HHIP: variants seen among roughly 807,000 people sequenced by gnomAD.
The protein encoded by HHIP is hedgehog-interacting protein.
Under a neutral mutation model 74.0 loss-of-function variants are expected in HHIP, and 12 were observed. The ratio of observed to expected loss-of-function variants is 0.16; its 90% CI spans 0.10 to 0.26. The LOEUF is 0.26. Among genes scored for constraint, HHIP ranks in the 10% least tolerant of loss-of-function variants. The pLI, the probability that HHIP is intolerant of heterozygous loss-of-function variation, is 1.00. For synonymous variants in HHIP, 309 were observed against 311.6 expected (o/e 0.99, Z 0.09); for missense variants, 788 against 845.0 (o/e 0.93, Z 0.84).
At chr4:144,717,540 A>G (rs530257492) in intron 10 of HHIP, among the ~76,000 whole-genome samples, 1 of 152,310 alleles carries the variant, frequency 6.6e-6, no homozygotes, top group African/African-American at 2.4e-5. Flanking sequence ...TTAAAACTTT[A>G]TAAATGTGTA....
At chr4:144,666,083 G>GA (rs1337851063) in intron 4 of HHIP, among the ~76,000 whole-genome samples, 2 of 152,036 alleles carry the variant, frequency 1.3e-5, no homozygotes, top group South Asian at 4.1e-4. Context: ...TCTCTGACTA[G>GA]AAAAAATAAG....
chr4:144,651,520 A>C (rs910182678), intron 1 of HHIP, among the ~76,000 whole-genome samples: 1 of 152,072 alleles, frequency 6.6e-6, no homozygotes, highest in Non-Finnish European at 1.5e-5. Context: ...ACAGTGCTCT[A>C]GAATTTAAAA....
intron 4 of HHIP, among the ~76,000 whole-genome samples, chr4:144,684,521 C>T (rs1004911760): frequency 4.0e-5 from 6 of 151,562 alleles, no homozygotes; most frequent in African/African-American, 1.2e-4. Context: ...CCTCGTGATC[C>T]GCCCGCCTCG....
chr4:144,716,395 G>A (rs1010042563), intron 10 of HHIP, among the ~76,000 whole-genome samples: 1 of 152,120 alleles, frequency 6.6e-6, no homozygotes, highest in African/African-American at 2.4e-5. Context: ...TCAAAGAAGA[G>A]AATCCAGTCT....
chr4:144,724,186 TG>T (rs1730727891), intron 11 of HHIP, among the ~76,000 whole-genome samples: 1 of 152,206 alleles, frequency 6.6e-6, no homozygotes, highest in Non-Finnish European at 1.5e-5. Context: ...TTTGCATACA[TG>T]TACATGTGTA....
At position 144,742,870 on chromosome 4, in the gene HHIP, ATC is replaced by A. The variant is rs1731290717; in HGVS notation, c.*4915_*4916del. 7.5e-6 allele frequency: 1 copy of A among 133,156 alleles called. No homozygotes were observed. Among genetic ancestry groups the A allele is most frequent in the African/African-American group, 2.9e-5 (1 of 34,110 alleles). 8.2% of individuals were successfully genotyped at this position (133,156 alleles called of 1,614,324 possible). A position where few individuals can be genotyped will look rare whatever the true frequency, so the allele number is the denominator to read the frequency against. ...CTTTATATATATATCTTATATATAT[ATC>A]TTTTTATATATATCTTATATATATA... On this transcript the variant is annotated 3_prime_UTR_variant, in exon 13 of 13. Coordinates refer to ENST00000296575, the MANE Select transcript of HHIP (RefSeq NM_022475.3).
rs1731270674 is a variant in HHIP, at chr4:144,741,869, G to C, written c.*3912G>C. On this transcript the variant is annotated 3_prime_UTR_variant, in exon 13 of 13. Transcript: ENST00000296575. ...AGAAATCAAGCCCAAATTTTTAGAG[G>C]AAGGCTAAGGTATACTATTGGCAGT... is the stretch of plus-strand genomic sequence containing the variant. 6.6e-6 allele frequency: 1 copy of C among 152,000 alleles called. No homozygotes were observed. The highest frequency in any genetic ancestry group is 2.4e-5 in the African/African-American group (1 of 41,362). The allele number at this position is 152,000 out of a possible 1,614,324, so 9.4% of individuals were successfully genotyped here.
chr4:144,715,403 A>T lies in HHIP; in HGVS notation c.1651A>T (p.Ile551Phe). The change falls in exon 10 of 13, where the codon ATC becomes TTC. Residue 551 changes from isoleucine (I) to phenylalanine (F), a missense_variant. By Grantham distance (21) the Ile-to-Phe change is conservative (BLOSUM62 0). Coordinates refer to ENST00000296575, the MANE Select transcript of HHIP (RefSeq NM_022475.3). ...CTGTAGAGGCTACTTTTCCGGTCACATCTTGGGATTTGGAGAAGATGAACT... is the reference window on the plus strand; with the variant it reads ...CTGTAGAGGCTACTTTTCCGGTCACTTCTTGGGATTTGGAGAAGATGAACT... The part of the protein sequence containing the change: ...GSCRGYFSGH[I>F]LGFGEDELGE... 1.2e-6 allele frequency: 2 copies of T among 1,613,492 alleles called. No homozygotes were observed. The highest frequency in any genetic ancestry group is 1.7e-6 in the Non-Finnish European group (2 of 1,179,530).
At chr4:144,691,132 C>T (rs1161970784) in intron 4 of HHIP, among the ~76,000 whole-genome samples, 1 of 151,994 alleles carries the variant, frequency 6.6e-6, no homozygotes, top group Non-Finnish European at 1.5e-5. Context: ...CTGATATCTA[C>T]CATTTATTAA....
intron 4 of HHIP, among the ~76,000 whole-genome samples, chr4:144,674,872 T>C (rs1353508360): frequency 6.6e-6 from 1 of 152,204 alleles, no homozygotes; most frequent in Non-Finnish European, 1.5e-5. Context: ...ACTTTTATGA[T>C]GTGCCCTAGG....
rs1254917729 is a variant in HHIP, at chr4:144,711,989, T to A, written c.1341T>A (p.Asn447Lys). 6.2e-7 allele frequency: 1 copy of A among 1,612,082 alleles called. No homozygotes were observed. The highest frequency in any genetic ancestry group is 1.7e-5 in the Admixed American group (1 of 59,994). ...VDRHPTDINI[N>K]LTILCSDSNG... ...GACATCCCACTGATATAAACATCAATTTAACGATACTGTGTTCAGACTCCA... is the reference window on the plus strand; with the variant it reads ...GACATCCCACTGATATAAACATCAAATTAACGATACTGTGTTCAGACTCCA... The change falls in exon 8 of 13, where the codon AAT (asparagine) becomes AAA (lysine). Residue 447 changes from asparagine to lysine, a missense_variant. Asn to Lys is a moderately conservative substitution (Grantham distance 94). Around this residue, in one of 3 missense-constraint regions of HHIP, gnomAD observed 343 missense variants for 347.9 expected, o/e 0.99. Coordinates refer to ENST00000296575, the MANE Select transcript of HHIP (RefSeq NM_022475.3).
intron 4 of HHIP, among the ~76,000 whole-genome samples, chr4:144,691,177 A>G (rs1729651879): frequency 1.3e-5 from 2 of 152,364 alleles, no homozygotes; most frequent in South Asian, 4.1e-4. Flanking sequence ...ATAGAAAAAA[A>G]ACAAAACTTC....
At chr4:144,721,488 C>T (rs1293664725) in intron 11 of HHIP, among the ~76,000 whole-genome samples, 1 of 150,184 alleles carries the variant, frequency 6.7e-6, no homozygotes, top group Non-Finnish European at 1.5e-5. Flanking sequence ...TTACAGTGTG[C>T]AGCAATCTCA....
chr4:144,744,401 A>C lies in HHIP; in HGVS notation c.*6444A>C, dbSNP rs1468063244. 6.6e-6 allele frequency: 1 copy of C among 152,126 alleles called. No individual in the cohort carries two copies. Among genetic ancestry groups the C allele is most frequent in the Non-Finnish European group, 1.5e-5 (1 of 68,032 alleles). The allele number at this position is 152,126 out of a possible 1,614,324, so 9.4% of individuals were successfully genotyped here. A position where few individuals can be genotyped will look rare whatever the true frequency, so the allele number is the denominator to read the frequency against. On this transcript the variant is annotated 3_prime_UTR_variant, in exon 13 of 13. Coordinates refer to ENST00000296575, the MANE Select transcript of HHIP (RefSeq NM_022475.3). Reference sequence around the variant, plus strand: ...ATGGTTCATTTTCCTTTAGCTTGTGAAAATTAGGGCAGTTTGTCCAGAGCC... The same window carrying C: ...ATGGTTCATTTTCCTTTAGCTTGTGCAAATTAGGGCAGTTTGTCCAGAGCC...
At chr4:144,715,772 C>T (rs1199620436) in intron 10 of HHIP, 1 of 159,908 alleles carries the variant, frequency 6.3e-6, no homozygotes, top group Non-Finnish European at 1.4e-5. Flanking sequence ...TGTATATTCT[C>T]TATCTAAAAA....
intron 1 of HHIP, chr4:144,648,881 CT>C (rs1319241335): frequency 1.3e-5 from 2 of 152,080 alleles, no homozygotes; most frequent in South Asian, 4.1e-4. Context: ...ATATACATTC[CT>C]TTCTGTTTTA....
intron 4 of HHIP, among the ~76,000 whole-genome samples, chr4:144,692,983 G>A (rs1729716333): frequency 6.6e-6 from 1 of 152,122 alleles, no homozygotes; most frequent in Non-Finnish European, 1.5e-5. Context: ...TGACACATGA[G>A]GACATGGAAG....
Position 144,652,681 on chromosome 4 carries a change from C to A in HHIP, c.356C>A (p.Ser119Tyr). 6.2e-7 allele frequency: 1 copy of A among 1,611,654 alleles called. No homozygotes were observed. Among genetic ancestry groups the A allele is most frequent in the Non-Finnish European group, 8.5e-7 (1 of 1,177,900 alleles). The change falls in exon 2 of 13, where the codon TCT (serine) becomes TAT (tyrosine). Residue 119 changes from serine (S) to tyrosine (Y), a missense_variant. Around this residue, in one of 3 missense-constraint regions of HHIP, gnomAD observed 373 missense variants for 366.4 expected, o/e 1.02. Coordinates refer to ENST00000296575, the MANE Select transcript of HHIP (RefSeq NM_022475.3). ...AAATGTGCACTTTGCTCTCCACATT[C>A]TCAAAGCCTGTTCCACTCACCTGAG... ...EIKCALCSPH[S>Y]QSLFHSPERE...
chr4:144,716,985 A>G (rs1730472247), intron 10 of HHIP, among the ~76,000 whole-genome samples: 1 of 151,410 alleles, frequency 6.6e-6, no homozygotes, highest in Non-Finnish European at 1.5e-5. Context: ...ATGATTCATC[A>G]TCACTCATTA....
Sources: allele counts gnomAD v4.1 joint callset (sites outside exome capture counted in the v4.1 genomes callset), GRCh38; gene constraint gnomAD v4.1.1; regional missense constraint gnomAD v4.1.1; transcripts MANE v1.5; gene names NCBI Gene and HGNC (gene_info 2026-07-23, HGNC 2026-07-21).